Variants in SCGB2B2 observed in about 807,000 individuals in gnomAD.
The protein encoded by SCGB2B2 is secretoglobin family 2B member 2.
Under a neutral mutation model 7.6 loss-of-function variants are expected in SCGB2B2, and 11 were observed. That is an observed-to-expected ratio of 1.45 (90% CI 0.91 to 2.40). The LOEUF (loss-of-function observed/expected upper bound fraction) is 2.40. SCGB2B2 is among the 30% of genes most tolerant of loss of function. The pLI is 0.00. For missense variants in SCGB2B2, 104 were observed against 115.4 expected (o/e 0.90, Z 0.45); for synonymous variants, 50 against 48.6 (o/e 1.03, Z -0.12).
intron 3 of SCGB2B2, 49 bp downstream of exon 3, chr19:34,594,126 T>C (rs373389811): frequency 6.1e-6 from 9 of 1,471,294 alleles, no homozygotes; most frequent in Non-Finnish European, 7.6e-6. Flanking sequence ...AGTGCAAGCC[T>C]GGGACGTGTG....
At chr19:34,629,432 C>T (rs1279606800) in intron 1 of SCGB2B2, among the ~76,000 whole-genome samples, 2 of 151,922 alleles carry the variant, frequency 1.3e-5, no homozygotes, top group African/African-American at 2.4e-5. Flanking sequence ...TCTCAGGATA[C>T]AAAATCAATG....
intron 1 of SCGB2B2, among the ~76,000 whole-genome samples, chr19:34,622,700 T>C (rs1004067475): frequency 5.3e-5 from 8 of 152,172 alleles, no homozygotes; most frequent in African/African-American, 1.7e-4. Flanking sequence ...GAGAATGTCA[T>C]CTACATACTG....
At chr19:34,656,109 T>C (rs899884140) in intron 1 of SCGB2B2, among the ~76,000 whole-genome samples, 1 of 151,260 alleles carries the variant, frequency 6.6e-6, no homozygotes, top group African/African-American at 2.5e-5. Flanking sequence ...ATGCAAGATA[T>C]TGGCAAAGTG....
chr19:34,669,539 GGC>G (rs1198155288), intron 1 of SCGB2B2, among the ~76,000 whole-genome samples: 20 of 152,298 alleles, frequency 1.3e-4, no homozygotes, highest in Middle Eastern at 3.4e-3. Context: ...CCTGCAGGCT[GGC>G]ACCATAGTGC....
intron 1 of SCGB2B2, among the ~76,000 whole-genome samples, chr19:34,672,228 A>ATTT (rs11372781): frequency 6.8e-6 from 1 of 146,208 alleles, no homozygotes; most frequent in Non-Finnish European, 1.5e-5. Flanking sequence ...TTTTTCTCAC[A>ATTT]TTTTTTTTTT....
In SCGB2B2 at chr19:34,675,851, G is replaced by T. The variant is rs1455233915; in HGVS notation, c.-2253C>A. 1 of 153,280 alleles carries T rather than the reference G, an allele frequency of 6.5e-6. No individual in the cohort carries two copies. The highest frequency in any genetic ancestry group is 1.4e-5 in the Non-Finnish European group (1 of 69,116). The allele number at this position is 153,280 out of a possible 1,614,324, so 9.5% of individuals were successfully genotyped here. A position where few individuals can be genotyped will look rare whatever the true frequency, so the allele number is the denominator to read the frequency against. ...GAAGCTGCAGACCTTCACAGTGAGTGTTACAGCTCCTAAAGACGGCGTGTC... is the reference window on the plus strand; with the variant it reads ...GAAGCTGCAGACCTTCACAGTGAGTTTTACAGCTCCTAAAGACGGCGTGTC... On this transcript the variant is annotated 5_prime_UTR_variant, in exon 1 of 4. Transcript: ENST00000601241.
rs546617500 is a variant in SCGB2B2, at chr19:34,624,239, A to G, written c.-2031-27645T>C. On this transcript the variant is annotated intron_variant, in intron 1 of 3. Coordinates refer to ENST00000601241, the MANE Select transcript of SCGB2B2 (RefSeq NM_001025591.4). The stretch of plus-strand genomic sequence containing the variant: ...GGAGGAACTGTTTAAATTCACTGGC[A>G]GTGCTGAGCTTTTATGTGGAGGAAT... Among the ~76,000 whole-genome samples the G allele has an allele frequency of 1.2e-3, 183 of 152,332 alleles. 2 individuals are homozygous for G. Among genetic ancestry groups the G allele is most frequent in the African/African-American group, 4.2e-3 (175 of 41,574 alleles).
intron 1 of SCGB2B2, among the ~76,000 whole-genome samples, chr19:34,642,118 G>A (rs528731770): frequency 4.7e-4 from 71 of 152,318 alleles, no homozygotes; most frequent in Admixed American, 4.1e-3. Flanking sequence ...CTTCTTACCC[G>A]ACAGGCTTCC....
chr19:34,594,607 C>A lies in SCGB2B2; in HGVS notation c.-44G>T. 1 of 1,541,742 alleles carries A rather than the reference C, an allele frequency of 6.5e-7. No individual in the cohort carries two copies. The highest frequency in any genetic ancestry group is 1.1e-5 in the South Asian group (1 of 89,414). On this transcript the variant is annotated 5_prime_UTR_variant, in exon 2 of 4. Coordinates refer to ENST00000601241, the MANE Select transcript of SCGB2B2 (RefSeq NM_001025591.4). ...CAGCAGGCACAGGCAGGGAATTTGG[C>A]GATGGGTGAGCTTTATGTATATCTG...
chr19:34,651,856 T>C (rs1318582246), intron 1 of SCGB2B2, among the ~76,000 whole-genome samples: 1 of 151,378 alleles, frequency 6.6e-6, no homozygotes, highest in Non-Finnish European at 1.5e-5. Flanking sequence ...GCTGAAAGCA[T>C]GGCATAACTT....
chr19:34,631,050 T>C (rs2066516713), intron 1 of SCGB2B2, among the ~76,000 whole-genome samples: 1 of 132,586 alleles, frequency 7.5e-6, no homozygotes, highest in East Asian at 2.2e-4. Flanking sequence ...CACTCATAGG[T>C]GGGAATTGAA....
intron 1 of SCGB2B2, among the ~76,000 whole-genome samples, chr19:34,649,005 C>T (rs1173578825): frequency 2.0e-5 from 3 of 152,120 alleles, no homozygotes; most frequent in East Asian, 1.9e-4. Flanking sequence ...CGGGTTCAAG[C>T]GATTCTCCTG....
chr19:34,612,022 C>CTTTTTTTTTTT (rs753968261), intron 1 of SCGB2B2, among the ~76,000 whole-genome samples: 1 of 41,766 alleles, frequency 2.4e-5, no homozygotes, highest in African/African-American at 1.1e-4. Context: ...TTAGAAAATT[C>CTTTTTTTTTTT]TTTTTTTTTT....
At chr19:34,593,783 T>C (rs906429777) in intron 3 of SCGB2B2, among the ~76,000 whole-genome samples, 184 bp from the exon 4 acceptor site, 1 of 152,050 alleles carries the variant, frequency 6.6e-6, no homozygotes, top group African/African-American at 2.4e-5. Context: ...TGACTCTGCA[T>C]GTGTTGGTGT....
intron 1 of SCGB2B2, among the ~76,000 whole-genome samples, chr19:34,656,664 A>C (rs2067291330): frequency 1.3e-5 from 2 of 151,346 alleles, no homozygotes; most frequent in African/African-American, 4.9e-5. Context: ...AATCTAATGA[A>C]GACCACCTAC....
At chr19:34,671,220 T>C (rs1000870730) in intron 1 of SCGB2B2, among the ~76,000 whole-genome samples, 6 of 152,250 alleles carry the variant, frequency 3.9e-5, no homozygotes, top group African/African-American at 1.4e-4. Flanking sequence ...GCCTGGTTTT[T>C]GTTTTAATAT....
chr19:34,648,745 A>G (rs184188604), intron 1 of SCGB2B2, among the ~76,000 whole-genome samples: 6 of 151,600 alleles, frequency 4.0e-5, no homozygotes, highest in African/African-American at 1.2e-4. Flanking sequence ...ACTCTTTAAT[A>G]TTTTTAAACT....
chr19:34,616,023 A>AT (rs2066068266), intron 1 of SCGB2B2, among the ~76,000 whole-genome samples: 1 of 151,470 alleles, frequency 6.6e-6, no homozygotes, highest in Non-Finnish European at 1.5e-5. Context: ...TGAACTCATC[A>AT]TTTTTTATGG....
chr19:34,635,005 C>A (rs1420293343), intron 1 of SCGB2B2: 14 of 292,064 alleles, frequency 4.8e-5, no homozygotes, highest in Non-Finnish European at 8.5e-5. Flanking sequence ...ACATTCAGTG[C>A]ACTTATAAGG....
Sources: gnomAD v4.1 joint callset for allele counts (sites outside exome capture counted in the v4.1 genomes callset) on GRCh38, gnomAD v4.1.1 for gene constraint, MANE v1.5 for transcripts, NCBI Gene and HGNC (gene_info 2026-07-23, HGNC 2026-07-21) for gene names.